Variants in FOSL1 observed in about 807,000 individuals in gnomAD.
FOSL1 encodes the protein FOS like 1, AP-1 transcription factor subunit, also known as fos-related antigen 1.
FOSL1 carries 14 observed loss-of-function variants against 24.9 expected under a neutral mutation model. The observed-to-expected ratio is 0.56, with a 90% CI of 0.37 to 0.88. The LOEUF (loss-of-function observed/expected upper bound fraction) is 0.88. Ranked by LOEUF, FOSL1 falls within the 40% of genes least tolerant of loss-of-function variation. The probability of loss-of-function intolerance (pLI) is 0.00; values close to 1 mark genes in which losing one functional copy is unlikely to be tolerated. For synonymous variants in FOSL1, 133 were observed against 145.1 expected, an observed-to-expected ratio of 0.92 and a Z score of 0.60; for missense variants, 318 against 359.8, an observed-to-expected ratio of 0.88 and a Z score of 0.94.
At chr11:65,893,460 A>G (rs1462784496) in intron 3 of FOSL1, among the ~76,000 whole-genome samples, 164 bp from the exon 4 acceptor site, 1 of 152,122 alleles carries the variant, frequency 6.6e-6, no homozygotes, top group Non-Finnish European at 1.5e-5. Context: ...AGCCCCTGGG[A>G]GAAAATGGGC....
At chr11:65,896,428 C>A (rs766420395) in intron 2 of FOSL1, among the ~76,000 whole-genome samples, 11 of 152,026 alleles carry the variant, frequency 7.2e-5, no homozygotes, top group Non-Finnish European at 8.8e-5. Context: ...ACATAAGCGC[C>A]CCCTCTATGC....
At chr11:65,896,397 G>C (rs957479896) in intron 2 of FOSL1, among the ~76,000 whole-genome samples, 17 of 152,146 alleles carry the variant, frequency 1.1e-4, no homozygotes, top group Admixed American at 9.2e-4. Context: ...GAACCCTCTT[G>C]TTCCTGTTCT....
At chr11:65,895,330 T>G (rs1299598991) in intron 2 of FOSL1, among the ~76,000 whole-genome samples, 1 of 151,946 alleles carries the variant, frequency 6.6e-6, no homozygotes, top group African/African-American at 2.4e-5. Flanking sequence ...TTCATCATGT[T>G]AGCCAGGATG....
At chr11:65,893,337 A>C (rs1045306607) in intron 3 of FOSL1, 41 bp from the exon 4 acceptor site, 2 of 1,535,712 alleles carry the variant, frequency 1.3e-6, no homozygotes, top group East Asian at 2.3e-5. Context: ...GTGAGGGCTG[A>C]ATACCCCAGA....
upstream of FOSL1, chr11:65,900,398 G>A: frequency 1.0e-6 from 1 of 957,278 alleles, no homozygotes; most frequent in Non-Finnish European, 1.4e-6. Context: ...CACCCGCGCC[G>A]TGCGGAGTCT....
Position 65,893,169 on chromosome 11 carries a change from G to C in FOSL1, c.533C>G (p.Ala178Gly). 6.2e-7 allele frequency: 1 copy of C among 1,613,818 alleles called. No individual in the cohort carries two copies. ...HRPICKIPEG[A>G]KEGDTGSTSG... ...GGTACTGCCTGTGTCCCCCTCCTTG[G>C]CTCCTTCCGGGATTTTGCAGATGGG... Residue 178 changes from alanine (A) to glycine (G), a missense_variant, in exon 4 of 4, where the codon GCC becomes GGC. Ala to Gly is a moderately conservative substitution (Grantham distance 60). Coordinates refer to ENST00000312562, the MANE Select transcript of FOSL1 (RefSeq NM_005438.5).
At chr11:65,900,533 C>G, upstream of FOSL1, 2 of 388,926 alleles carry the variant, frequency 5.1e-6, no homozygotes. Flanking sequence ...CCGTCGGTCC[C>G]GAACTTGGCG....
At chr11:65,899,020 A>G (rs1860603195) in intron 1 of FOSL1, among the ~76,000 whole-genome samples, 1 of 151,288 alleles carries the variant, frequency 6.6e-6, no homozygotes, top group African/African-American at 2.4e-5. Context: ...ATAAAGTTAT[A>G]GTGGGTTTTT....
chr11:65,892,762 A>T lies in FOSL1; in HGVS notation c.*124T>A. ...GAAGCACAATATGGTCAGTCTCATTAGAGGGATGGAGAAGAAGTTGCTGGA... is the reference window on the plus strand; with the variant it reads ...GAAGCACAATATGGTCAGTCTCATTTGAGGGATGGAGAAGAAGTTGCTGGA... On this transcript the variant is annotated 3_prime_UTR_variant, in exon 4 of 4. Transcript: ENST00000312562. 1 of 909,160 alleles carries T rather than the reference A, an allele frequency of 1.1e-6. No individual in the cohort carries two copies. The highest frequency in any genetic ancestry group is 1.7e-6 in the Non-Finnish European group (1 of 579,172). 56.3% of individuals were successfully genotyped at this position (909,160 alleles called of 1,614,324 possible). A position where few individuals can be genotyped will look rare whatever the true frequency, so the allele number is the denominator to read the frequency against.
intron 1 of FOSL1, among the ~76,000 whole-genome samples, chr11:65,897,676 G>A (rs1258459014): frequency 3.9e-5 from 6 of 151,952 alleles, no homozygotes; most frequent in Non-Finnish European, 7.4e-5. Flanking sequence ...ACAGTTGTCC[G>A]CAGACACAGA....
At chr11:65,897,721 C>A (rs2134802760) in intron 1 of FOSL1, among the ~76,000 whole-genome samples, 1 of 152,238 alleles carries the variant, frequency 6.6e-6, no homozygotes, top group East Asian at 1.9e-4. Context: ...CTTACCCACT[C>A]CTGCACCCGT....
chr11:65,897,350 T>C (rs1454505989), intron 1 of FOSL1, among the ~76,000 whole-genome samples: 2 of 151,780 alleles, frequency 1.3e-5, no homozygotes, highest in African/African-American at 4.8e-5. Context: ...TTTTTCTTTT[T>C]TTTTTTTCAG....
rs1324449609 is a variant in FOSL1 at position 65,894,126 on chromosome 11, G to A, written c.298-5C>T. On this transcript the variant is annotated splice_region_variant and splice_polypyrimidine_tract_variant and intron_variant, in intron 2 of 3. Coordinates refer to ENST00000312562, the MANE Select transcript of FOSL1 (RefSeq NM_005438.5). ...CTCCTCTTCCTCCGGGCTGATCTGG[G>A]GGTGAGACCCGCAGTGAGGAGGACC... is the stretch of plus-strand genomic sequence containing the variant. The A allele has an allele frequency of 3.8e-6, 6 of 1,597,162 alleles. No individual in the cohort carries two copies. Among genetic ancestry groups the A allele is most frequent in the Non-Finnish European group, 5.1e-6 (6 of 1,175,284 alleles).
In FOSL1 at chr11:65,892,845, T is replaced by C; in HGVS notation, c.*41A>G. 1.3e-6 allele frequency: 2 copies of C among 1,595,260 alleles called. No individual in the cohort carries two copies. Among genetic ancestry groups the C allele is most frequent in the Non-Finnish European group, 8.5e-7 (1 of 1,172,180 alleles). ...ACCGGTGGGGGAAGGGGAGGAGACATTGGCTAGGGTGGCATCTGCAGGGAG... is the reference window on the plus strand; with the variant it reads ...ACCGGTGGGGGAAGGGGAGGAGACACTGGCTAGGGTGGCATCTGCAGGGAG... On this transcript the variant is annotated 3_prime_UTR_variant, in exon 4 of 4. Transcript: ENST00000312562.
chr11:65,896,965 A>G lies in FOSL1; in HGVS notation c.141T>C (p.Ser47=). 5 of 1,614,148 alleles carry G rather than the reference A, an allele frequency of 3.1e-6. No individual in the cohort carries two copies. Among genetic ancestry groups the G allele is most frequent in the Non-Finnish European group, 4.2e-6 (5 of 1,180,002 alleles). The stretch of plus-strand genomic sequence containing the variant: ...GCTGTACCATCCACTGCAGCTCCTG[A>G]CTGCCACTCATGGTGTTGATGCTTG... The part of the protein sequence containing the change: ...LVPSINTMSG[S]QELQWMVQPH... Residue 47 remains serine (S), a synonymous_variant, in exon 2 of 4, where the codon AGT becomes AGC. Transcript: ENST00000312562.
intron 3 of FOSL1, 65 bp from the exon 4 acceptor site, chr11:65,893,361 G>C: frequency 7.0e-7 from 1 of 1,420,562 alleles, no homozygotes; most frequent in East Asian, 2.3e-5. Flanking sequence ...GCAGACGTTT[G>C]GACTCAGGGT....
intron 3 of FOSL1, 22 bp from the exon 4 acceptor site, chr11:65,893,318 G>A (rs747333480): frequency 1.3e-6 from 2 of 1,573,486 alleles, no homozygotes; most frequent in Non-Finnish European, 1.7e-6. Flanking sequence ...CAGGAGAGGA[G>A]TCAGAAAGGT....
In FOSL1 at chr11:65,896,798, CTG is replaced by C; in HGVS notation, c.297+9_297+10del. 1.3e-6 allele frequency: 2 copies of C among 1,585,714 alleles called. No homozygotes were observed. The highest frequency in any genetic ancestry group is 1.7e-6 in the Non-Finnish European group (2 of 1,163,658). On this transcript the variant is annotated intron_variant, in intron 2 of 3. Coordinates refer to ENST00000312562, the MANE Select transcript of FOSL1 (RefSeq NM_005438.5). Reference sequence around the variant, plus strand: ...CGGGGTCGGAACCACTGCAATGCCTCTGTGCCTTACCTGTTCACAAGGCCTTC... The same window carrying C: ...CGGGGTCGGAACCACTGCAATGCCTCTGCCTTACCTGTTCACAAGGCCTTC...
At position 65,893,037 on chromosome 11, in the gene FOSL1, G is replaced by T. The variant is rs748853345; in HGVS notation, c.665C>A (p.Thr222Asn). 6.2e-7 allele frequency: 1 copy of T among 1,612,164 alleles called. No homozygotes were observed. The highest frequency in any genetic ancestry group is 8.5e-7 in the Non-Finnish European group (1 of 1,179,466). The change falls in exon 4 of 4, where the codon ACC becomes AAC. Residue 222 changes from threonine to asparagine, a missense_variant. Transcript: ENST00000312562. ...PEALHTPTLMTTPSLTPFTPS... is the reference protein window; with the variant it reads ...PEALHTPTLMNTPSLTPFTPS... ...GGTGAAAGGAGTTAGGGAGGGTGTG[G>T]TCATGAGTGTGGGGGTGTGCAGTGC... is the stretch of plus-strand genomic sequence containing the variant.
Sources: gnomAD v4.1 joint callset for allele counts (sites outside exome capture counted in the v4.1 genomes callset) on GRCh38, gnomAD v4.1.1 for gene constraint, MANE v1.5 for transcripts, NCBI Gene and HGNC (gene_info 2026-07-23, HGNC 2026-07-21) for gene names.